The following ZNF512 variants were observed in gnomAD, a reference collection of about 807,000 sequenced individuals.
ZNF512 encodes zinc finger protein 512.
Under a neutral mutation model 77.5 loss-of-function variants are expected in ZNF512, and 25 were observed. That is an observed-to-expected ratio of 0.32 (90% CI 0.23 to 0.45). The LOEUF (loss-of-function observed/expected upper bound fraction) is 0.45. Ranked by LOEUF, ZNF512 falls within the 20% of genes least tolerant of loss-of-function variation. ZNF512 has a pLI of 1.00. For missense variants in ZNF512, 483 were observed against 692.6 expected, an observed-to-expected ratio of 0.70 and a Z score of 3.40; for synonymous variants, 246 against 239.9, an observed-to-expected ratio of 1.03 and a Z score of -0.24.
At chr2:27,615,102 A>T in intron 10 of ZNF512, 66 bp from the exon 11 acceptor site, 1 of 948,562 alleles carries the variant, frequency 1.1e-6, no homozygotes, top group Non-Finnish European at 1.6e-6. Context: ...GTTGGGTGTG[A>T]AACTTTTGGG....
intron 7 of ZNF512, among the ~76,000 whole-genome samples, 183 bp from the exon 8 acceptor site, chr2:27,602,280 T>C (rs555995816): frequency 6.6e-6 from 1 of 152,322 alleles, no homozygotes; most frequent in African/African-American, 2.4e-5. Flanking sequence ...AGAACTCTTA[T>C]TTCCATTATA....
intron 2 of ZNF512, among the ~76,000 whole-genome samples, chr2:27,585,111 G>A (rs757647008): frequency 4.6e-5 from 7 of 152,238 alleles, no homozygotes; most frequent in Non-Finnish European, 1.0e-4. Context: ...GTGATGATGA[G>A]AAGTGAGTAA....
chr2:27,610,568 ATTTTTTTTTTTTTTTT>A lies in ZNF512; in HGVS notation c.1131+2546_1131+2561del, dbSNP rs767964486. 8.0e-3 allele frequency among the ~76,000 whole-genome samples: 145 copies of A among 18,184 alleles called. 17 individuals are homozygous for A. In the South Asian group the frequency reaches 0.11, roughly 14 times the overall value. The allele number at this position is 18,184 out of a possible 152,430, so 11.9% of individuals were successfully genotyped here. A position where few individuals can be genotyped will look rare whatever the true frequency, so the allele number is the denominator to read the frequency against. The stretch of plus-strand genomic sequence containing the variant: ...TGTATATATATATATATATATATAT[ATTTTTTTTTTTTTTTT>A]TTTTTTTTTTTTTTTTGAGACAGCG... On this transcript the variant is annotated intron_variant, in intron 10 of 13. Coordinates refer to ENST00000355467, the MANE Select transcript of ZNF512 (RefSeq NM_032434.4).
At chr2:27,583,862 G>A (rs1671221485) in intron 2 of ZNF512, 146 bp downstream of exon 2, 1 of 884,950 alleles carries the variant, frequency 1.1e-6, no homozygotes, top group Admixed American at 3.2e-5. Context: ...GTTGAAATGT[G>A]GCTAGTGCAA....
intron 13 of ZNF512, 48 bp from the exon 14 acceptor site, chr2:27,621,105 T>G (rs1306453010): frequency 6.3e-7 from 1 of 1,577,232 alleles, no homozygotes; most frequent in Non-Finnish European, 8.6e-7. Flanking sequence ...TTCTTTATGT[T>G]CTTCACTATA....
At chr2:27,588,791 A>G (rs376675033) in intron 2 of ZNF512, among the ~76,000 whole-genome samples, 2 of 152,182 alleles carry the variant, frequency 1.3e-5, no homozygotes, top group Admixed American at 6.5e-5. Context: ...TATTGAATCT[A>G]TAGATTCCGT....
At chr2:27,599,442 G>C in intron 3 of ZNF512, 141 bp from the exon 4 acceptor site, 2 of 623,512 alleles carry the variant, frequency 3.2e-6, no homozygotes, top group South Asian at 4.4e-5. Flanking sequence ...CTCTAAAAAT[G>C]TCACAGACAT....
intron 1 of ZNF512, 169 bp downstream of exon 1, chr2:27,583,311 C>T: frequency 7.8e-7 from 1 of 1,274,152 alleles, no homozygotes; most frequent in South Asian, 1.3e-5. Flanking sequence ...CGTTCTGCTG[C>T]CTGTTCCCCA....
intron 7 of ZNF512, 73 bp from the exon 8 acceptor site, chr2:27,602,390 C>T (rs544492498): frequency 1.4e-6 from 2 of 1,452,666 alleles, no homozygotes; most frequent in South Asian, 2.6e-5. Context: ...CTTGATTCTC[C>T]TCTGATATTT....
chr2:27,604,636 C>T (rs1211762317), intron 9 of ZNF512, among the ~76,000 whole-genome samples: 1 of 152,034 alleles, frequency 6.6e-6, no homozygotes, highest in East Asian at 1.9e-4. Flanking sequence ...AAAAAATAAG[C>T]CAGGCATGGT....
rs1339765364 is a variant in ZNF512 at position 27,600,654 on chromosome 2, C to T, written c.458-37C>T. ...TTATGCTTTTTGTTTCTGGAGAATACTGCAGATTACAAAGTGTTTCTTTCT... is the reference window on the plus strand; with the variant it reads ...TTATGCTTTTTGTTTCTGGAGAATATTGCAGATTACAAAGTGTTTCTTTCT... On this transcript the variant is annotated intron_variant, in intron 5 of 13. Transcript: ENST00000355467. 4 of 1,599,982 alleles carry T rather than the reference C, an allele frequency of 2.5e-6. No individual in the cohort carries two copies. The African/African-American group carries it at 5.4e-5, about 22-fold the overall frequency.
intron 10 of ZNF512, 26 bp downstream of exon 10, chr2:27,608,065 G>T (rs1326750139): frequency 6.5e-7 from 1 of 1,531,516 alleles, no homozygotes; most frequent in South Asian, 1.3e-5. Flanking sequence ...GTATCAATTT[G>T]GGAACCATTA....
At chr2:27,600,097 T>A (rs1357167263) in intron 5 of ZNF512, 44 bp downstream of exon 5, 1 of 1,589,186 alleles carries the variant, frequency 6.3e-7, no homozygotes, top group African/African-American at 1.3e-5. Context: ...GTTCTCACAC[T>A]CTGATTTGTT....
rs966007342 is a variant in ZNF512 at position 27,622,413 on chromosome 2, A to G, written c.*952A>G. On this transcript the variant is annotated 3_prime_UTR_variant, in exon 14 of 14. Transcript: ENST00000355467. ...TACCTTACTTGTTAGTCTACGCCCCACTGTTTCCACCCATCCCCTTAGCCA... is the reference window on the plus strand; with the variant it reads ...TACCTTACTTGTTAGTCTACGCCCCGCTGTTTCCACCCATCCCCTTAGCCA... 6.5e-6 allele frequency: 1 copy of G among 152,716 alleles called. No individual in the cohort carries two copies. The highest frequency in any genetic ancestry group is 2.4e-5 in the African/African-American group (1 of 41,436). The allele number at this position is 152,716 out of a possible 1,614,324, so 9.5% of individuals were successfully genotyped here.
At chr2:27,607,432 A>G (rs115213246) in intron 9 of ZNF512, among the ~76,000 whole-genome samples, 1,621 of 151,966 alleles carry the variant, frequency 0.011, 16 homozygotes, top group Non-Finnish European at 0.015. Context: ...TAGTGGCGCA[A>G]TCTTCACTCA....
chr2:27,618,224 C>G (rs962112532), intron 13 of ZNF512, among the ~76,000 whole-genome samples: 1 of 152,148 alleles, frequency 6.6e-6, no homozygotes, highest in Non-Finnish European at 1.5e-5. Context: ...CCGGCCTGAA[C>G]TCTTCTAATT....
At chr2:27,610,506 ATATATGTGTG>A (rs1223874539) in intron 10 of ZNF512, among the ~76,000 whole-genome samples, 2 of 133,996 alleles carry the variant, frequency 1.5e-5, no homozygotes, top group African/African-American at 2.8e-5. Context: ...ATATGTGTAT[ATATATGTGTG>A]TATATGTGTG....
chr2:27,616,174 A>T, intron 11 of ZNF512, 88 bp from the exon 12 acceptor site: 2 of 873,064 alleles, frequency 2.3e-6, no homozygotes. Flanking sequence ...CTTCCTTCAA[A>T]TGTGGAGTTG....
chr2:27,598,043 G>T (rs755122084), intron 2 of ZNF512, 24 bp from the exon 3 acceptor site: 2 of 1,499,532 alleles, frequency 1.3e-6, no homozygotes, highest in Non-Finnish European at 1.8e-6. Context: ...TTCCTTTGTG[G>T]TATATATTTT....
Sources: gnomAD v4.1 joint callset for allele counts (sites outside exome capture counted in the v4.1 genomes callset) on GRCh38, gnomAD v4.1.1 for gene constraint, MANE v1.5 for transcripts, NCBI Gene and HGNC (gene_info 2026-07-23, HGNC 2026-07-21) for gene names.